The following ADGRG3 variants were observed in gnomAD, a reference collection of about 807,000 sequenced individuals.
ADGRG3 encodes the protein adhesion G protein-coupled receptor G3, also known as G protein-coupled receptor 97.
A neutral mutation model predicts 54.3 loss-of-function variants in ADGRG3; 39 were observed. That is an observed-to-expected ratio of 0.72 (90% CI 0.56 to 0.94). The LOEUF (loss-of-function observed/expected upper bound fraction) is 0.94, where lower values mean the gene tolerates loss of function less well. ADGRG3 is among the 40% of genes least tolerant of loss of function. The pLI is 0.00. For synonymous variants in ADGRG3, 312 were observed against 290.0 expected, an observed-to-expected ratio of 1.08 and a Z score of -0.77; for missense variants, 654 against 694.6, an observed-to-expected ratio of 0.94 and a Z score of 0.66.
At chr16:57,670,182 A>T (rs2048128630) in intron 1 of ADGRG3, among the ~76,000 whole-genome samples, 1 of 152,194 alleles carries the variant, frequency 6.6e-6, no homozygotes. Context: ...GAGGCAGTCC[A>T]TGGAGGCCAG....
chr16:57,667,213 G>A (rs1484866066), upstream of ADGRG3, among the ~76,000 whole-genome samples: 1 of 152,246 alleles, frequency 6.6e-6, no homozygotes, highest in Non-Finnish European at 1.5e-5. Flanking sequence ...GGAAATGGAG[G>A]CCAGCAGGGG....
chr16:57,687,333 C>G (rs1275627378), intron 11 of ADGRG3, among the ~76,000 whole-genome samples: 1 of 152,136 alleles, frequency 6.6e-6, no homozygotes, highest in Non-Finnish European at 1.5e-5. Context: ...TCACTGCGAC[C>G]TCCACCTCCT....
In ADGRG3 at chr16:57,673,261, C is replaced by G. The variant is rs533746262; in HGVS notation, c.59-60C>G. On this transcript the variant is annotated intron_variant, in intron 1 of 11. Coordinates refer to ENST00000333493, the MANE Select transcript of ADGRG3 (RefSeq NM_170776.5). ...TGGAGCCCCAGCTCCTTTCCCTGCT[C>G]CTCATCCTTGCTGCCCATCTTCGTC... is the stretch of plus-strand genomic sequence containing the variant. The G allele has an allele frequency of 1.9e-6, 3 of 1,540,834 alleles. No homozygotes were observed. In the East Asian group the frequency reaches 6.8e-5, roughly 35 times the overall value.
At chr16:57,670,526 C>T in intron 1 of ADGRG3, among the ~76,000 whole-genome samples, 1 of 152,154 alleles carries the variant, frequency 6.6e-6, no homozygotes, top group South Asian at 2.1e-4. Flanking sequence ...CCCTCCTCCC[C>T]TCTCCTCTCT....
chr16:57,674,231 T>C (rs970205392), intron 2 of ADGRG3, among the ~76,000 whole-genome samples: 19 of 152,044 alleles, frequency 1.2e-4, no homozygotes, highest in African/African-American at 4.6e-4. Flanking sequence ...TAGCAGCAAT[T>C]GGCATTGCGT....
chr16:57,666,936 C>T (rs1459302854), upstream of ADGRG3, among the ~76,000 whole-genome samples: 2 of 152,228 alleles, frequency 1.3e-5, no homozygotes, highest in African/African-American at 2.4e-5. Flanking sequence ...TGCCCCACCT[C>T]ACCCTCACCT....
rs762545443 is a variant in ADGRG3, at chr16:57,684,077, G to A, written c.1027G>A (p.Ala343Thr). The A allele has an allele frequency of 1.9e-6, 3 of 1,614,092 alleles. No individual in the cohort carries two copies. Among genetic ancestry groups the A allele is most frequent in the Non-Finnish European group, 1.7e-6 (2 of 1,179,982 alleles). The change falls in exon 9 of 12, where the codon GCT (alanine) becomes ACT (threonine). Residue 343 changes from alanine (A) to threonine (T), a missense_variant. Ala to Thr is a moderately conservative substitution (Grantham distance 58). Coordinates refer to ENST00000333493, the MANE Select transcript of ADGRG3 (RefSeq NM_170776.5). The part of the protein sequence containing the change: ...GSDAACWARG[A>T]VFHYFLLCAF... Reference sequence around the variant, plus strand: ...TGATGCTGCCTGCTGGGCCCGGGGGGCTGTCTTCCACTACTTCCTGCTCTG... The same window carrying A: ...TGATGCTGCCTGCTGGGCCCGGGGGACTGTCTTCCACTACTTCCTGCTCTG...
At chr16:57,671,602 T>C (rs1269879906) in intron 1 of ADGRG3, among the ~76,000 whole-genome samples, 3 of 152,124 alleles carry the variant, frequency 2.0e-5, no homozygotes, top group Non-Finnish European at 4.4e-5. Flanking sequence ...CCCAAAGTGC[T>C]GGGATTATAG....
chr16:57,681,517 T>G (rs537687846), intron 8 of ADGRG3, among the ~76,000 whole-genome samples: 1 of 152,208 alleles, frequency 6.6e-6, no homozygotes, highest in Admixed American at 6.5e-5. Flanking sequence ...GGTCAGGAGT[T>G]CGAGACCAGT....
rs116195036 is a variant in ADGRG3 at position 57,689,188 on chromosome 16, T to C, written c.*727T>C. 0.017 allele frequency: 2,639 copies of C among 153,748 alleles called. 95 individuals carry two copies. The highest frequency in any genetic ancestry group is 0.06 in the African/African-American group (2,490 of 41,560). 9.5% of individuals were successfully genotyped at this position (153,748 alleles called of 1,614,324 possible). ...TCGTAGAGGTAGAAAGCAAACAATC[T>C]GGGGCTCAGCACACCTGGGGGTGCT... On this transcript the variant is annotated 3_prime_UTR_variant, in exon 12 of 12. Transcript: ENST00000333493.
At chr16:57,688,194 AT>A (rs2048511264) in intron 11 of ADGRG3, among the ~76,000 whole-genome samples, 157 bp from the exon 12 acceptor site, 1 of 151,758 alleles carries the variant, frequency 6.6e-6, no homozygotes, top group Non-Finnish European at 1.5e-5. Context: ...TTTTTATTTC[AT>A]TTTTGAAATG....
intron 8 of ADGRG3, among the ~76,000 whole-genome samples, chr16:57,683,140 G>A (rs117072323): frequency 8.1e-4 from 124 of 152,356 alleles, no homozygotes; most frequent in Non-Finnish European, 1.3e-3. Context: ...AAGGCATTGA[G>A]AACAGTGGGA....
chr16:57,680,239 C>T (rs779278853), intron 6 of ADGRG3, 26 bp from the exon 7 acceptor site: 2 of 1,455,578 alleles, frequency 1.4e-6, no homozygotes, highest in East Asian at 2.3e-5. Flanking sequence ...TTCCCTTTCC[C>T]TCTGTTCCCC....
chr16:57,681,840 G>A (rs113504512), intron 8 of ADGRG3, among the ~76,000 whole-genome samples: 123 of 152,078 alleles, frequency 8.1e-4, no homozygotes, highest in African/African-American at 2.7e-3. Context: ...GTCCTTCTGC[G>A]TATGGGGTCC....
intron 2 of ADGRG3, among the ~76,000 whole-genome samples, chr16:57,674,372 A>C (rs1298300004): frequency 6.6e-6 from 1 of 152,210 alleles, no homozygotes; most frequent in Non-Finnish European, 1.5e-5. Flanking sequence ...ATCTCCAAAA[A>C]TATCTCTGCC....
rs117611097 is a variant in ADGRG3 at position 57,680,236 on chromosome 16, T to C, written c.668-29T>C. The C allele has an allele frequency of 8.7e-3, 11,890 of 1,370,072 alleles. 688 individuals carry two copies. The East Asian group carries it at 0.15, about 17-fold the overall frequency. The allele number at this position is 1,370,072 out of a possible 1,614,324, so 84.9% of individuals were successfully genotyped here. A position where few individuals can be genotyped will look rare whatever the true frequency, so the allele number is the denominator to read the frequency against. The stretch of plus-strand genomic sequence containing the variant: ...TGCCCTCCCCTCCCTATATTCCCTT[T>C]CCCTCTGTTCCCCTGGCCTCCTCTC... On this transcript the variant is annotated intron_variant, in intron 6 of 11. Transcript: ENST00000333493.
upstream of ADGRG3, chr16:57,668,195 A>G: frequency 1.6e-6 from 1 of 643,026 alleles, no homozygotes; most frequent in Non-Finnish European, 2.7e-6. Flanking sequence ...TCACAACCCA[A>G]CCAATGGCGC....
intron 1 of ADGRG3, among the ~76,000 whole-genome samples, chr16:57,672,250 G>A (rs1037594944): frequency 7.9e-5 from 12 of 151,904 alleles, no homozygotes; most frequent in African/African-American, 2.9e-4. Flanking sequence ...GTATCGGCAG[G>A]GCTTGGTGGC....
At chr16:57,671,932 G>A (rs2048168062) in intron 1 of ADGRG3, among the ~76,000 whole-genome samples, 1 of 152,216 alleles carries the variant, frequency 6.6e-6, no homozygotes, top group Non-Finnish European at 1.5e-5. Flanking sequence ...GCCAGGGTGA[G>A]CGGATCGCTT....
Sources: gnomAD v4.1 joint callset for allele counts (sites outside exome capture counted in the v4.1 genomes callset) on GRCh38, gnomAD v4.1.1 for gene constraint, MANE v1.5 for transcripts, NCBI Gene and HGNC (gene_info 2026-07-23, HGNC 2026-07-21) for gene names.